Variants in COBLL1 observed in about 807,000 individuals in gnomAD.
The protein encoded by COBLL1 is cordon-bleu protein-like 1.
In COBLL1, 50 loss-of-function variants were observed where a neutral mutation model predicts 94.8. That is an observed-to-expected ratio of 0.53 (90% CI 0.42 to 0.67). The LOEUF (loss-of-function observed/expected upper bound fraction) is 0.67, where lower values mean the gene tolerates loss of function less well. Among genes scored for constraint, COBLL1 ranks in the 30% least tolerant of loss-of-function variants. COBLL1 has a pLI of 0.00. For synonymous variants in COBLL1, 448 were observed against 473.8 expected, an observed-to-expected ratio of 0.95 and a Z score of 0.71; for missense variants, 1,362 against 1,348.7, an observed-to-expected ratio of 1.01 and a Z score of -0.15.
chr2:164,841,234 C>A lies in COBLL1; in HGVS notation c.-38G>T. The A allele has an allele frequency of 3.3e-6, 4 of 1,229,718 alleles. No individual in the cohort carries two copies. Among genetic ancestry groups the A allele is most frequent in the African/African-American group, 1.6e-5 (1 of 64,238 alleles). The allele number at this position is 1,229,718 out of a possible 1,614,324, so 76.2% of individuals were successfully genotyped here. On this transcript the variant is annotated 5_prime_UTR_variant, in exon 2 of 14. Transcript: ENST00000652658. This position sits in a 1 kb window ranked among gnomAD's most constrained non-coding sequence, Gnocchi z 5.5. ...CGCTGCGCGGGCTCCAGCTCCCAGG[C>A]GGCGCGTCACTGCTGGGGTGGGAGA...
chr2:164,827,891 T>C (rs1685508822), intron 2 of COBLL1, among the ~76,000 whole-genome samples: 1 of 152,234 alleles, frequency 6.6e-6, no homozygotes, highest in African/African-American at 2.4e-5. Context: ...AGATATAAAA[T>C]GAAAATGTTA....
chr2:164,706,075 G>C (rs192008052), intron 7 of COBLL1, among the ~76,000 whole-genome samples: 69 of 152,198 alleles, frequency 4.5e-4, no homozygotes, highest in African/African-American at 1.6e-3. Flanking sequence ...TTTGCAGTTT[G>C]TGTCTCCAAT....
rs1682980428 is a variant in COBLL1, at chr2:164,680,393, C to G, written c.*5553G>C. 6.6e-6 allele frequency: 1 copy of G among 152,010 alleles called. No individual in the cohort carries two copies. The highest frequency in any genetic ancestry group is 1.5e-5 in the Non-Finnish European group (1 of 67,990). 9.4% of individuals were successfully genotyped at this position (152,010 alleles called of 1,614,324 possible). A position where few individuals can be genotyped will look rare whatever the true frequency, so the allele number is the denominator to read the frequency against. On this transcript the variant is annotated 3_prime_UTR_variant, in exon 14 of 14. Coordinates refer to ENST00000652658, the MANE Select transcript of COBLL1 (RefSeq NM_001365672.2). Reference sequence around the variant, plus strand: ...CTGATCCCTTGAAGGTATCCAAAACCCACCAACAGAAATCATCCAAAAAGT... The same window carrying G: ...CTGATCCCTTGAAGGTATCCAAAACGCACCAACAGAAATCATCCAAAAAGT...
chr2:164,824,480 GATAA>G (rs966187372), intron 2 of COBLL1, among the ~76,000 whole-genome samples: 4 of 152,022 alleles, frequency 2.6e-5, no homozygotes, highest in Non-Finnish European at 4.4e-5. Context: ...ATTTATTTGG[GATAA>G]ATAAATTGGG....
At chr2:164,743,646 TAAG>T in intron 3 of COBLL1, 38 bp downstream of exon 3, 1 of 1,478,846 alleles carries the variant, frequency 6.8e-7, no homozygotes, top group South Asian at 1.1e-5. Flanking sequence ...AATGGTGGAA[TAAG>T]AAGGGGAGGT....
chr2:164,737,615 T>C (rs1686374570), intron 3 of COBLL1, among the ~76,000 whole-genome samples: 1 of 121,044 alleles, frequency 8.3e-6, no homozygotes, highest in Non-Finnish European at 1.9e-5. Flanking sequence ...TACCCTGCTA[T>C]AAACATATAT....
chr2:164,804,371 T>C (rs769047963), intron 2 of COBLL1, among the ~76,000 whole-genome samples: 2 of 152,092 alleles, frequency 1.3e-5, no homozygotes, highest in Non-Finnish European at 2.9e-5. Flanking sequence ...TGCGTGCTTT[T>C]TTTAAAAATG....
chr2:164,771,322 C>T (rs977780377), intron 2 of COBLL1, among the ~76,000 whole-genome samples: 10 of 151,796 alleles, frequency 6.6e-5, no homozygotes, highest in Non-Finnish European at 1.2e-4. Flanking sequence ...ACATGTAACA[C>T]GTAATCAATT....
intron 7 of COBLL1, among the ~76,000 whole-genome samples, chr2:164,716,719 T>C (rs920453345): frequency 1.3e-5 from 2 of 152,190 alleles, no homozygotes; most frequent in Non-Finnish European, 2.9e-5. Flanking sequence ...AACTGCACAG[T>C]TAGTTTGTCA....
intron 3 of COBLL1, among the ~76,000 whole-genome samples, chr2:164,733,377 C>T (rs1308556396): frequency 6.6e-6 from 1 of 151,896 alleles, no homozygotes; most frequent in Non-Finnish European, 1.5e-5. Context: ...AAAAAGTTGC[C>T]GACTATATCA....
chr2:164,729,344 G>A (rs1436545646), intron 4 of COBLL1, among the ~76,000 whole-genome samples: 2 of 151,426 alleles, frequency 1.3e-5, no homozygotes, highest in African/African-American at 4.8e-5. Flanking sequence ...CTACCCTATT[G>A]CTTATAGCAA....
At chr2:164,822,734 A>ATATTATAT (rs1685229391) in intron 2 of COBLL1, among the ~76,000 whole-genome samples, 1 of 139,480 alleles carries the variant, frequency 7.2e-6, no homozygotes, top group African/African-American at 2.6e-5. Context: ...AGATTATATT[A>ATATTATAT]TATTATTATT....
intron 2 of COBLL1, among the ~76,000 whole-genome samples, chr2:164,825,881 T>C (rs1025978904): frequency 3.3e-5 from 5 of 152,194 alleles, no homozygotes; most frequent in African/African-American, 1.2e-4. Flanking sequence ...TCTTGACAGT[T>C]TTACAGCATT....
At chr2:164,668,442 A>T (rs1467086943) in intron 1 of COBLL1, among the ~76,000 whole-genome samples, 1 of 152,158 alleles carries the variant, frequency 6.6e-6, no homozygotes, top group African/African-American at 2.4e-5. Context: ...GACAAGAGAG[A>T]TGGGGGAATG....
chr2:164,806,588 G>T (rs765318719), intron 2 of COBLL1, among the ~76,000 whole-genome samples: 1 of 152,120 alleles, frequency 6.6e-6, no homozygotes, highest in Non-Finnish European at 1.5e-5. Flanking sequence ...TAATACGCTT[G>T]TTTCTATAAA....
At chr2:164,749,918 G>A (rs566360915) in intron 2 of COBLL1, among the ~76,000 whole-genome samples, 1 of 152,208 alleles carries the variant, frequency 6.6e-6, no homozygotes, top group East Asian at 1.9e-4. Flanking sequence ...GTGAGGGATT[G>A]TCTTCCCTTG....
At chr2:164,732,650 A>C (rs531611987) in intron 3 of COBLL1, among the ~76,000 whole-genome samples, 214 of 152,328 alleles carry the variant, frequency 1.4e-3, no homozygotes, top group African/African-American at 4.8e-3. Flanking sequence ...CTTTCTCTCT[A>C]TATATAAATG....
intron 2 of COBLL1, among the ~76,000 whole-genome samples, chr2:164,744,794 A>C (rs1686783963): frequency 6.6e-6 from 1 of 152,220 alleles, no homozygotes; most frequent in Admixed American, 6.5e-5. Flanking sequence ...GAAAAACATT[A>C]CTAATAATTT....
intron 2 of COBLL1, among the ~76,000 whole-genome samples, chr2:164,762,820 C>T (rs1168872979): frequency 6.6e-6 from 1 of 151,890 alleles, no homozygotes; most frequent in East Asian, 1.9e-4. Context: ...CCTCAGCCTC[C>T]CGAGTAGCTG....
Sources: gnomAD v4.1 joint callset for allele counts (sites outside exome capture counted in the v4.1 genomes callset) on GRCh38, gnomAD v4.1.1 for gene constraint, Gnocchi (gnomAD v3.1) non-coding constraint, MANE v1.5 for transcripts, NCBI Gene and HGNC (gene_info 2026-07-23, HGNC 2026-07-21) for gene names.